NCALD: variants seen among roughly 807,000 people sequenced by gnomAD.
NCALD encodes the protein neurocalcin delta.
NCALD carries 10 observed loss-of-function variants against 18.6 expected under a neutral mutation model. The observed-to-expected ratio is 0.54, with a 90% CI of 0.33 to 0.91. The LOEUF (loss-of-function observed/expected upper bound fraction) is 0.91, where lower values mean the gene tolerates loss of function less well. NCALD is among the 40% of genes least tolerant of loss of function. NCALD has a pLI of 0.03. For missense variants in NCALD, 184 were observed against 247.6 expected (o/e 0.74, Z 1.72); for synonymous variants, 88 against 87.4 (o/e 1.01, Z -0.04).
At chr8:102,003,785 T>C (rs1821582402) in intron 2 of NCALD, among the ~76,000 whole-genome samples, 1 of 152,190 alleles carries the variant, frequency 6.6e-6, no homozygotes, top group Non-Finnish European at 1.5e-5. Flanking sequence ...AACCACATGA[T>C]TATCTCAATA....
At chr8:101,991,314 A>T (rs940943738) in intron 2 of NCALD, among the ~76,000 whole-genome samples, 10 of 152,108 alleles carry the variant, frequency 6.6e-5, no homozygotes, top group African/African-American at 2.4e-4. Flanking sequence ...CACCAATGCT[A>T]CCTGTTCCTA....
intron 4 of NCALD, among the ~76,000 whole-genome samples, chr8:101,861,750 T>C (rs1586649901): frequency 6.6e-6 from 1 of 152,210 alleles, no homozygotes; most frequent in Non-Finnish European, 1.5e-5. Flanking sequence ...ATTTCTCATA[T>C]GTATGATTCC....
At chr8:101,726,234 C>T (rs139433429) in intron 1 of NCALD, among the ~76,000 whole-genome samples, 6 of 152,242 alleles carry the variant, frequency 3.9e-5, no homozygotes, top group Non-Finnish European at 5.9e-5. Context: ...GAAGCTGAGC[C>T]AGTGTAGGGT....
intron 4 of NCALD, among the ~76,000 whole-genome samples, chr8:101,858,913 A>C (rs1815428353): frequency 6.6e-6 from 1 of 152,250 alleles, no homozygotes; most frequent in African/African-American, 2.4e-5. Flanking sequence ...ACTTGGAAGA[A>C]ACAAAAAATG....
At chr8:101,692,282 C>T (rs1814764901) in intron 3 of NCALD, 1 of 985,322 alleles carries the variant, frequency 1.0e-6, no homozygotes, top group African/African-American at 1.7e-5. Flanking sequence ...CTACCCCGGG[C>T]ACCCCAGTGA....
chr8:101,838,832 T>G (rs1814522100), intron 4 of NCALD, among the ~76,000 whole-genome samples: 1 of 152,222 alleles, frequency 6.6e-6, no homozygotes, highest in Admixed American at 6.5e-5. Flanking sequence ...ATATCAGAGG[T>G]CAGTATCATA....
At chr8:101,752,806 T>C (rs997550139) in intron 1 of NCALD, among the ~76,000 whole-genome samples, 6 of 152,224 alleles carry the variant, frequency 3.9e-5, no homozygotes, top group African/African-American at 1.4e-4. Context: ...AAATGATGTA[T>C]GCAATTTGAA....
chr8:101,707,903 T>TAATA (rs144465707), intron 2 of NCALD, among the ~76,000 whole-genome samples: 11 of 151,572 alleles, frequency 7.3e-5, no homozygotes, highest in African/African-American at 1.5e-4. Flanking sequence ...AATAAATAAA[T>TAATA]AATAAATAAA....
chr8:102,042,817 T>C (rs1241063802), intron 1 of NCALD, among the ~76,000 whole-genome samples: 2 of 134,078 alleles, frequency 1.5e-5, no homozygotes, highest in Non-Finnish European at 3.2e-5. Context: ...TGGGGGATGT[T>C]AGGGGGTGGG....
chr8:101,879,365 T>C (rs1816376566), intron 4 of NCALD, among the ~76,000 whole-genome samples: 4 of 152,148 alleles, frequency 2.6e-5, no homozygotes, highest in African/African-American at 9.7e-5. Flanking sequence ...CTGCAGACCT[T>C]CGCGGGGAGT....
intron 3 of NCALD, among the ~76,000 whole-genome samples, chr8:101,890,989 T>C (rs1186576282): frequency 6.6e-6 from 1 of 152,206 alleles, no homozygotes; most frequent in Non-Finnish European, 1.5e-5. Context: ...CACAGCAGCA[T>C]GCAATAGCTT....
chr8:101,758,695 T>C (rs28459467), intron 1 of NCALD, among the ~76,000 whole-genome samples: 1,958 of 152,268 alleles, frequency 0.013, 25 homozygotes, highest in Middle Eastern at 0.024. Flanking sequence ...ATGGTATTCA[T>C]TACATTGCAA....
intron 4 of NCALD, among the ~76,000 whole-genome samples, chr8:101,886,289 A>G (rs1361654305): frequency 6.6e-6 from 1 of 152,228 alleles, no homozygotes; most frequent in Non-Finnish European, 1.5e-5. Flanking sequence ...AAAAGAGCTA[A>G]GTCTACTCAA....
At chr8:101,790,303 A>G (rs1451984223) in intron 1 of NCALD, among the ~76,000 whole-genome samples, 1 of 152,186 alleles carries the variant, frequency 6.6e-6, no homozygotes, top group African/African-American at 2.4e-5. Context: ...AACTGTTGAC[A>G]ATTTTTCCTG....
intron 1 of NCALD, among the ~76,000 whole-genome samples, chr8:102,078,247 C>T (rs1486611461): frequency 2.0e-5 from 3 of 152,108 alleles, no homozygotes; most frequent in Non-Finnish European, 4.4e-5. Flanking sequence ...TACACAGCCC[C>T]TTCTCGCCAG....
chr8:101,783,226 T>C (rs1812087834), intron 1 of NCALD, among the ~76,000 whole-genome samples: 1 of 152,154 alleles, frequency 6.6e-6, no homozygotes, highest in Non-Finnish European at 1.5e-5. Flanking sequence ...AGGAGTAGAC[T>C]ATTAGGATGG....
intron 3 of NCALD, among the ~76,000 whole-genome samples, chr8:101,915,156 T>C (rs538456674): frequency 1.3e-5 from 2 of 152,308 alleles, no homozygotes; most frequent in South Asian, 2.1e-4. Context: ...GAAACAGATA[T>C]TTGGATGTGT....
intron 1 of NCALD, among the ~76,000 whole-genome samples, chr8:102,082,605 T>C (rs2132339751): frequency 6.6e-6 from 1 of 152,264 alleles, no homozygotes; most frequent in African/African-American, 2.4e-5. Flanking sequence ...CCCTAGGCAT[T>C]GTTTAACATT....
At chr8:101,943,895 C>T (rs1321460170) in intron 2 of NCALD, among the ~76,000 whole-genome samples, 3 of 151,074 alleles carry the variant, frequency 2.0e-5, no homozygotes, top group East Asian at 1.9e-4. Flanking sequence ...GAGCCGAGAT[C>T]ACACCGCTGC....
Sources: allele counts gnomAD v4.1 joint callset (sites outside exome capture counted in the v4.1 genomes callset), GRCh38; gene constraint gnomAD v4.1.1; transcripts MANE v1.5; gene names NCBI Gene and HGNC (gene_info 2026-07-23, HGNC 2026-07-21).